Variants in CLDN14 observed in about 807,000 individuals in gnomAD.
CLDN14 encodes claudin-14.
Under a neutral mutation model 2.1 loss-of-function variants are expected in CLDN14, and 2 were observed. The ratio of observed to expected loss-of-function variants is 0.96; its 90% confidence interval spans 0.39 to 3.01. The LOEUF is 3.01. CLDN14 is among the 30% of genes most tolerant of loss of function. The probability of loss-of-function intolerance (pLI) is 0.09; values close to 1 mark genes in which losing one functional copy is unlikely to be tolerated. For missense variants in CLDN14, 298 were observed against 328.0 expected (o/e 0.91, Z 0.71); for synonymous variants, 136 against 154.4 (o/e 0.88, Z 0.88).
chr21:36,566,557 C>G (rs139700607), intron 1 of CLDN14, among the ~76,000 whole-genome samples: 1 of 152,336 alleles, frequency 6.6e-6, no homozygotes, highest in African/African-American at 2.4e-5. Context: ...TGGGGCCTCA[C>G]GGTCACTGCA....
chr21:36,542,514 A>C (rs575050410), intron 1 of CLDN14: 3 of 152,430 alleles, frequency 2.0e-5, no homozygotes, highest in African/African-American at 7.2e-5. Flanking sequence ...ATTCCATGCT[A>C]AAAGTCCCGA....
intron 2 of CLDN14, among the ~76,000 whole-genome samples, chr21:36,496,269 C>T (rs1033197687): frequency 2.6e-5 from 4 of 151,712 alleles, no homozygotes; most frequent in Non-Finnish European, 5.9e-5. Flanking sequence ...AACCCCATCT[C>T]TACAAAAAAA....
At chr21:36,478,164 A>C (rs2086799408) in intron 1 of CLDN14, among the ~76,000 whole-genome samples, 1 of 152,250 alleles carries the variant, frequency 6.6e-6, no homozygotes, top group Non-Finnish European at 1.5e-5. Context: ...TAATAGTGAC[A>C]TTTTCATAGC....
At chr21:36,470,036 AAAAC>A (rs1034115054) in intron 1 of CLDN14, among the ~76,000 whole-genome samples, 3 of 152,188 alleles carry the variant, frequency 2.0e-5, no homozygotes, top group Admixed American at 6.5e-5. Flanking sequence ...AAACAAAACA[AAAAC>A]AAAAACAACA....
At chr21:36,552,863 C>T (rs548245449) in intron 1 of CLDN14, among the ~76,000 whole-genome samples, 13 of 152,318 alleles carry the variant, frequency 8.5e-5, no homozygotes, top group African/African-American at 2.9e-4. Context: ...TTTTCTTGCT[C>T]TGAGCTTGAA....
chr21:36,471,723 G>A (rs1417688968), intron 1 of CLDN14, among the ~76,000 whole-genome samples: 1 of 152,218 alleles, frequency 6.6e-6, no homozygotes, highest in Non-Finnish European at 1.5e-5. Context: ...ACAAGCAATA[G>A]GACATTGTCA....
At chr21:36,483,355 T>G (rs2146452524), upstream of CLDN14, among the ~76,000 whole-genome samples, 1 of 152,356 alleles carries the variant, frequency 6.6e-6, no homozygotes, top group Middle Eastern at 3.4e-3. Context: ...TGGGCAAATG[T>G]TACAACTGGA....
intron 1 of CLDN14, among the ~76,000 whole-genome samples, chr21:36,523,908 C>T (rs1410241183): frequency 6.6e-6 from 1 of 152,080 alleles, no homozygotes; most frequent in Non-Finnish European, 1.5e-5. Context: ...CTCCGAGATG[C>T]TCCAGCCCTG....
intron 2 of CLDN14, among the ~76,000 whole-genome samples, chr21:36,491,918 C>T (rs1050827254): frequency 6.6e-6 from 1 of 152,172 alleles, no homozygotes; most frequent in Non-Finnish European, 1.5e-5. Context: ...GAGTCCTTGA[C>T]GTGGGTTGAA....
intron 1 of CLDN14, among the ~76,000 whole-genome samples, chr21:36,536,606 A>G (rs1237654666): frequency 2.0e-5 from 3 of 152,170 alleles, no homozygotes; most frequent in African/African-American, 7.2e-5. Context: ...CTATTTTTTC[A>G]TTGACAGTAG....
At chr21:36,475,923 C>T (rs1225554172) in intron 1 of CLDN14, among the ~76,000 whole-genome samples, 1 of 152,070 alleles carries the variant, frequency 6.6e-6, no homozygotes, top group East Asian at 1.9e-4. Flanking sequence ...CTGCCCTCCT[C>T]GGCATCCCAA....
intron 1 of CLDN14, among the ~76,000 whole-genome samples, chr21:36,470,151 C>T (rs1601594763): frequency 6.6e-6 from 1 of 152,178 alleles, no homozygotes; most frequent in East Asian, 1.9e-4. Context: ...TCTGTGGGAA[C>T]ACTTTATCTA....
intron 1 of CLDN14, among the ~76,000 whole-genome samples, chr21:36,527,623 T>G (rs1416084893): frequency 1.3e-5 from 2 of 152,190 alleles, no homozygotes; most frequent in African/African-American, 4.8e-5. Flanking sequence ...TGGGGTAATA[T>G]GTGGCCATAT....
chr21:36,576,119 T>C (rs978619551), intron 1 of CLDN14, among the ~76,000 whole-genome samples: 8 of 152,200 alleles, frequency 5.3e-5, no homozygotes, highest in African/African-American at 1.9e-4. Flanking sequence ...TATGTTTTGC[T>C]GACATTCTCT....
chr21:36,537,478 A>G (rs2087433492), intron 1 of CLDN14, among the ~76,000 whole-genome samples: 1 of 152,220 alleles, frequency 6.6e-6, no homozygotes, highest in Non-Finnish European at 1.5e-5. Flanking sequence ...TGAACTGGAT[A>G]GTAGATGACG....
At chr21:36,496,457 A>T (rs1044281677) in intron 2 of CLDN14, among the ~76,000 whole-genome samples, 8 of 126,762 alleles carry the variant, frequency 6.3e-5, no homozygotes, top group South Asian at 2.5e-4. Context: ...AAAAAAAAAA[A>T]GTCAGGGTTT....
At chr21:36,496,723 GAGGGAGGA>G (rs1568859007) in intron 2 of CLDN14, among the ~76,000 whole-genome samples, 3 of 17,878 alleles carry the variant, frequency 1.7e-4, no homozygotes, top group Non-Finnish European at 1.6e-4. Flanking sequence ...GGGAGGAAGG[GAGGGAGGA>G]AGGGAGGGAG....
At chr21:36,515,394 C>T (rs1282969590) in intron 1 of CLDN14, among the ~76,000 whole-genome samples, 4 of 152,108 alleles carry the variant, frequency 2.6e-5, no homozygotes, top group African/African-American at 7.2e-5. Context: ...ATGAAGTGGC[C>T]GGGCCTGGTG....
At chr21:36,506,616 A>G (rs1001017574) in intron 2 of CLDN14, among the ~76,000 whole-genome samples, 1 of 151,380 alleles carries the variant, frequency 6.6e-6, no homozygotes, top group Non-Finnish European at 1.5e-5. Flanking sequence ...AAAAAAAGAA[A>G]GAACAAATGC....
Sources: allele counts gnomAD v4.1 joint callset (sites outside exome capture counted in the v4.1 genomes callset), GRCh38; gene constraint gnomAD v4.1.1; transcripts MANE v1.5; gene names NCBI Gene and HGNC (gene_info 2026-07-23, HGNC 2026-07-21).